The following RBFOX3 variants were observed in gnomAD, a reference collection of about 807,000 sequenced individuals.
The protein encoded by RBFOX3 is RNA binding fox-1 homolog 3, also known as RNA binding protein fox-1 homolog 3.
Under a neutral mutation model 48.7 loss-of-function variants are expected in RBFOX3, and 17 were observed. That is an observed-to-expected ratio of 0.35 (90% CI 0.24 to 0.52). The LOEUF (loss-of-function observed/expected upper bound fraction) is 0.52. Among genes scored for constraint, RBFOX3 ranks in the 20% least tolerant of loss-of-function variants. The pLI is 0.94. For synonymous variants in RBFOX3, 212 were observed against 209.5 expected (o/e 1.01, Z -0.10); for missense variants, 382 against 497.5 (o/e 0.77, Z 2.21).
chr17:79,651,544 C>G, the RBFOX3 span, among the ~76,000 whole-genome samples: 1 of 151,960 alleles, frequency 6.6e-6, no homozygotes, highest in Admixed American at 6.6e-5. Context: ...TATGGCACTT[C>G]CGAGATTAAG....
chr17:79,384,269 C>T (rs921327470), intron 2 of RBFOX3, among the ~76,000 whole-genome samples: 1 of 152,144 alleles, frequency 6.6e-6, no homozygotes, highest in Non-Finnish European at 1.5e-5. Context: ...CCCAGGAGGC[C>T]GCACTGCCAG....
At chr17:79,577,984 A>C (rs2092919694) in intron 1 of RBFOX3, among the ~76,000 whole-genome samples, 1 of 152,248 alleles carries the variant, frequency 6.6e-6, no homozygotes, top group African/African-American at 2.4e-5. Context: ...CAGGCTCCTA[A>C]AAATAAGCAT....
At chr17:79,161,519 G>A (rs2046980324) in intron 4 of RBFOX3, among the ~76,000 whole-genome samples, 1 of 152,212 alleles carries the variant, frequency 6.6e-6, no homozygotes, top group African/African-American at 2.4e-5. Context: ...TGGAGGCCCG[G>A]AAGCTGGCCT....
Position 79,603,394 on chromosome 17 carries a change from G to A in RBFOX3, c.-320+7432C>T, listed in dbSNP as rs929128294. The stretch of plus-strand genomic sequence containing the variant: ...ACAGGCAGGAGCCCTGTTATCCCCT[G>A]GATGGCCTGACCCGGGTAACAACTG... On this transcript the variant is annotated intron_variant, in intron 1 of 14. Transcript: ENST00000693108. Among the ~76,000 whole-genome samples the A allele has an allele frequency of 1.5e-3, 233 of 152,302 alleles. 2 individuals carry two copies. The East Asian group carries it at 0.029, about 19-fold the overall frequency.
At chr17:79,432,360 C>A (rs1266161386) in intron 2 of RBFOX3, among the ~76,000 whole-genome samples, 1 of 152,184 alleles carries the variant, frequency 6.6e-6, no homozygotes, top group Non-Finnish European at 1.5e-5. Flanking sequence ...TTCATAGAAA[C>A]AAGCATCTCC....
chr17:79,328,455 G>A (rs746026395), intron 2 of RBFOX3, among the ~76,000 whole-genome samples: 3 of 152,188 alleles, frequency 2.0e-5, no homozygotes, highest in Non-Finnish European at 2.9e-5. Context: ...AACACTTGAA[G>A]GTTTTTGGGA....
At chr17:79,537,110 CA>C (rs1260562036) in intron 1 of RBFOX3, among the ~76,000 whole-genome samples, 1 of 135,076 alleles carries the variant, frequency 7.4e-6, no homozygotes, top group Admixed American at 7.2e-5. Flanking sequence ...AACAAACAAA[CA>C]AAAAACAAAA....
intron 4 of RBFOX3, among the ~76,000 whole-genome samples, chr17:79,123,374 C>T (rs947617450): frequency 3.3e-5 from 5 of 152,042 alleles, no homozygotes; most frequent in African/African-American, 1.2e-4. Context: ...GTAAGAAAAA[C>T]GAAAACCCTG....
At chr17:79,120,770 A>T (rs911047680) in intron 4 of RBFOX3, among the ~76,000 whole-genome samples, 6 of 151,870 alleles carry the variant, frequency 4.0e-5, no homozygotes, top group Non-Finnish European at 2.9e-5. Context: ...AGATGGGTGG[A>T]TGGATAGACG....
the RBFOX3 span, among the ~76,000 whole-genome samples, chr17:79,653,718 T>C: frequency 2.6e-5 from 4 of 151,244 alleles, no homozygotes; most frequent in African/African-American, 4.9e-5. Context: ...GTGTTTATTA[T>C]AAATTTGGAG....
intron 3 of RBFOX3, among the ~76,000 whole-genome samples, chr17:79,267,755 A>G (rs2066959756): frequency 1.3e-5 from 2 of 152,136 alleles, no homozygotes; most frequent in East Asian, 1.9e-4. Context: ...ACCTTGGCTG[A>G]CACCATTCCT....
chr17:79,097,441 C>T lies in RBFOX3; in HGVS notation c.623-17G>A, dbSNP rs1467252800. 1.6e-5 allele frequency: 25 copies of T among 1,536,078 alleles called. No individual in the cohort carries two copies. The highest frequency in any genetic ancestry group is 2.2e-5 in the Non-Finnish European group (25 of 1,138,574). On this transcript the variant is annotated splice_polypyrimidine_tract_variant and intron_variant, in intron 10 of 14. Coordinates refer to ENST00000693108, the MANE Select transcript of RBFOX3 (RefSeq NM_001350451.2). Reference sequence around the variant, plus strand: ...ACCCCGTCACTGCAGGAAACGGGGCCCGAGACACGTGTGAGAGGCACAAGG... The same window carrying T: ...ACCCCGTCACTGCAGGAAACGGGGCTCGAGACACGTGTGAGAGGCACAAGG...
chr17:79,222,164 C>T lies in RBFOX3; in HGVS notation c.-34+13602G>A, dbSNP rs568336962. ...ATTTCTACCTGCTGCCTGATTTCTA[C>T]CTGCAGCCTGATTTCTACCTGCAGC... is the stretch of plus-strand genomic sequence containing the variant. On this transcript the variant is annotated intron_variant, in intron 4 of 14. Transcript: ENST00000693108. Among the ~76,000 whole-genome samples, 91 of 151,374 alleles carry T rather than the reference C, an allele frequency of 6.0e-4. 3 individuals are homozygous for T. The South Asian group carries it at 0.015, about 25-fold the overall frequency.
At chr17:79,397,872 C>T (rs1181353817) in intron 2 of RBFOX3, among the ~76,000 whole-genome samples, 2 of 152,166 alleles carry the variant, frequency 1.3e-5, no homozygotes, top group African/African-American at 4.8e-5. Context: ...AAGCTACAAC[C>T]ACAAACAGAG....
chr17:79,450,508 G>A (rs553024078), intron 2 of RBFOX3, among the ~76,000 whole-genome samples: 89 of 150,996 alleles, frequency 5.9e-4, no homozygotes, highest in African/African-American at 1.9e-3. Flanking sequence ...GGAATTACAA[G>A]TTCATCCAAA....
intron 4 of RBFOX3, among the ~76,000 whole-genome samples, chr17:79,149,971 C>T (rs867416520): frequency 8.2e-5 from 3 of 36,466 alleles, no homozygotes; most frequent in Non-Finnish European, 1.3e-4. Context: ...GGGATGGGGG[C>T]TGAGGGTGGG....
intron 4 of RBFOX3, among the ~76,000 whole-genome samples, chr17:79,133,412 T>C (rs1490108378): frequency 6.6e-6 from 1 of 151,462 alleles, no homozygotes. Context: ...CTAGGTTTGC[T>C]GAGCACCTAC....
In RBFOX3 at chr17:79,192,812, A is replaced by T. The variant is rs575935950; in HGVS notation, c.-34+42954T>A. Among the ~76,000 whole-genome samples the T allele has an allele frequency of 2.6e-5, 4 of 152,290 alleles. No homozygotes were observed. The East Asian group carries it at 7.7e-4, about 29-fold the overall frequency. ...GGGTGGCCAGCGGCTAGCCCTGCTGATGGCCACCTTTTACCAAAACATCCT... is the reference window on the plus strand; with the variant it reads ...GGGTGGCCAGCGGCTAGCCCTGCTGTTGGCCACCTTTTACCAAAACATCCT... On this transcript the variant is annotated intron_variant, in intron 4 of 14. Coordinates refer to ENST00000693108, the MANE Select transcript of RBFOX3 (RefSeq NM_001350451.2).
intron 2 of RBFOX3, among the ~76,000 whole-genome samples, chr17:79,317,437 G>T (rs1320064821): frequency 6.6e-6 from 1 of 152,216 alleles, no homozygotes; most frequent in African/African-American, 2.4e-5. Context: ...CCTCACCAGG[G>T]TTCACCTGTG....
Sources: gnomAD v4.1 joint callset for allele counts (sites outside exome capture counted in the v4.1 genomes callset) on GRCh38, gnomAD v4.1.1 for gene constraint, MANE v1.5 for transcripts, NCBI Gene and HGNC (gene_info 2026-07-23, HGNC 2026-07-21) for gene names.